The following MEST variants were observed in gnomAD, a reference collection of about 807,000 sequenced individuals.
The protein encoded by MEST is mesoderm-specific transcript homolog protein.
A neutral mutation model predicts 50.9 loss-of-function variants in MEST; 18 were observed. The ratio of observed to expected loss-of-function variants is 0.35; its 90% confidence interval spans 0.24 to 0.52. The LOEUF (loss-of-function observed/expected upper bound fraction) is 0.52. MEST is among the 20% of genes least tolerant of loss of function. The pLI is 0.94. For missense variants in MEST, 282 were observed against 425.3 expected, an observed-to-expected ratio of 0.66 and a Z score of 2.96; for synonymous variants, 130 against 154.1, an observed-to-expected ratio of 0.84 and a Z score of 1.16.
At position 130,500,972 on chromosome 7, in the gene MEST, T is replaced by G; in HGVS notation, c.749+82T>G. 1 of 1,206,078 alleles carries G rather than the reference T, an allele frequency of 8.3e-7. No homozygotes were observed. 74.7% of individuals were successfully genotyped at this position (1,206,078 alleles called of 1,614,324 possible). A position where few individuals can be genotyped will look rare whatever the true frequency, so the allele number is the denominator to read the frequency against. ...ATTGCTTGTTCTGTTCCTTGCTGGC[T>G]TATTCCCTATCACAGGAAGGCTGAT... is the stretch of plus-strand genomic sequence containing the variant. On this transcript the variant is annotated intron_variant, in intron 9 of 11. Coordinates refer to ENST00000223215, the MANE Select transcript of MEST (RefSeq NM_002402.4). This position sits in a 1 kb window ranked among gnomAD's most constrained non-coding sequence, Gnocchi z 5.0.
intron 9 of MEST, among the ~76,000 whole-genome samples, chr7:130,501,768 G>A (rs1554438550): frequency 6.6e-6 from 1 of 152,130 alleles, no homozygotes; most frequent in Non-Finnish European, 1.5e-5. Context: ...CACTTTGGGA[G>A]GCCAAGGTGG....
Position 130,500,704 on chromosome 7 carries a change from G to T in MEST, c.648-85G>T. On this transcript the variant is annotated intron_variant, in intron 8 of 11. Transcript: ENST00000223215. This position sits in a 1 kb window ranked among gnomAD's most constrained non-coding sequence, Gnocchi z 5.0. The stretch of plus-strand genomic sequence containing the variant: ...CTTATGGGTCAGACTGCATGGCCCA[G>T]ACTGCATGGCCTCTGAGGTTCCAGC... 1 of 1,273,574 alleles carries T rather than the reference G, an allele frequency of 7.9e-7. No homozygotes were observed. The allele number at this position is 1,273,574 out of a possible 1,614,324, so 78.9% of individuals were successfully genotyped here. A position where few individuals can be genotyped will look rare whatever the true frequency, so the allele number is the denominator to read the frequency against.
chr7:130,488,351 C>T (rs978829284), upstream of MEST: 25 of 152,220 alleles, frequency 1.6e-4, no homozygotes, highest in African/African-American at 5.3e-4. Context: ...ACAATTTGCA[C>T]TCATTGGAGC....
At chr7:130,487,380 A>C (rs1473557917), upstream of MEST, 1 of 152,342 alleles carries the variant, frequency 6.6e-6, no homozygotes, top group African/African-American at 2.4e-5. Flanking sequence ...CCTGGTGAAG[A>C]AGTACCAGCT....
chr7:130,504,081 C>A, intron 11 of MEST, 85 bp downstream of exon 11: 1 of 1,096,814 alleles, frequency 9.1e-7, no homozygotes, highest in Non-Finnish European at 1.4e-6. Context: ...GGGCTATTGG[C>A]TCTAGCCATT....
rs782094919 is a variant in MEST, at chr7:130,497,152, C to G, written c.182-4C>G. 1 of 1,610,226 alleles carries G rather than the reference C, an allele frequency of 6.2e-7. No individual in the cohort carries two copies. The highest frequency in any genetic ancestry group is 8.5e-7 in the Non-Finnish European group (1 of 1,178,140). ...ATAATTGATTGTACTTTCCTTCTTCCTAGACTCTGTGGGTGTGGTTGGAAG... is the reference window on the plus strand; with the variant it reads ...ATAATTGATTGTACTTTCCTTCTTCGTAGACTCTGTGGGTGTGGTTGGAAG... On this transcript the variant is annotated splice_polypyrimidine_tract_variant and splice_region_variant and intron_variant, in intron 2 of 11. Coordinates refer to ENST00000223215, the MANE Select transcript of MEST (RefSeq NM_002402.4). The surrounding 1 kb of genome is among the most constrained non-coding windows in gnomAD (Gnocchi z 4.0).
chr7:130,498,366 G>A, intron 5 of MEST, 53 bp from the exon 6 acceptor site: 1 of 1,611,578 alleles, frequency 6.2e-7, no homozygotes, highest in Non-Finnish European at 8.5e-7. Flanking sequence ...TTTCAGCGGT[G>A]CACTGGTTTA....
At chr7:130,491,956 C>T (rs1237688178), upstream of MEST, 2 of 147,562 alleles carry the variant, frequency 1.4e-5, no homozygotes, top group Non-Finnish European at 1.4e-5. The surrounding 1 kb of genome is among the most constrained non-coding windows in gnomAD (Gnocchi z 6.8). Flanking sequence ...GTGGCCATGG[C>T]GGTGGTAGAG....
chr7:130,498,637 C>T (rs1285226182), intron 6 of MEST, 160 bp downstream of exon 6: 11 of 673,054 alleles, frequency 1.6e-5, no homozygotes, highest in East Asian at 2.7e-5. Flanking sequence ...GGTGGTCTGA[C>T]AAGATTTATG....
At chr7:130,502,175 T>G (rs1241593090) in intron 9 of MEST, among the ~76,000 whole-genome samples, 1 of 152,132 alleles carries the variant, frequency 6.6e-6, no homozygotes, top group Non-Finnish European at 1.5e-5. Context: ...GAGCTATGAT[T>G]GCACCTGTGA....
chr7:130,504,406 C>T (rs1799395983), intron 11 of MEST, among the ~76,000 whole-genome samples: 1 of 152,202 alleles, frequency 6.6e-6, no homozygotes, highest in African/African-American at 2.4e-5. Flanking sequence ...AGTGCCTTCT[C>T]ATTGGTTGCT....
At chr7:130,499,374 CTTAT>C (rs1554438003) in intron 6 of MEST, among the ~76,000 whole-genome samples, 1 of 152,168 alleles carries the variant, frequency 6.6e-6, no homozygotes, top group East Asian at 1.9e-4. Flanking sequence ...AGGACCTATA[CTTAT>C]TTAAAAACTT....
In MEST at chr7:130,500,617, T is replaced by C. The variant is rs1799240444; in HGVS notation, c.647+85T>C. 2 of 1,413,670 alleles carry C rather than the reference T, an allele frequency of 1.4e-6. No individual in the cohort carries two copies. Among genetic ancestry groups the C allele is most frequent in the East Asian group, 2.4e-5 (1 of 41,900 alleles). The allele number at this position is 1,413,670 out of a possible 1,614,324, so 87.6% of individuals were successfully genotyped here. A position where few individuals can be genotyped will look rare whatever the true frequency, so the allele number is the denominator to read the frequency against. Reference sequence around the variant, plus strand: ...ACAATTCTGGGCCAAATCCTAAGGCTTGATATTTTAAAGCAAAGGTGTTGG... The same window carrying C: ...ACAATTCTGGGCCAAATCCTAAGGCCTGATATTTTAAAGCAAAGGTGTTGG... On this transcript the variant is annotated intron_variant, in intron 8 of 11. Coordinates refer to ENST00000223215, the MANE Select transcript of MEST (RefSeq NM_002402.4). The surrounding 1 kb of genome is among the most constrained non-coding windows in gnomAD (Gnocchi z 5.0).
rs562989827 is a variant in MEST at position 130,495,224 on chromosome 7, C to T, written c.27-144C>T. Reference sequence around the variant, plus strand: ...GCAGACAGAGGTTTGATTATAGTCTCGGTCAGCTTTGTGCCTATGTGAAGG... The same window carrying T: ...GCAGACAGAGGTTTGATTATAGTCTTGGTCAGCTTTGTGCCTATGTGAAGG... On this transcript the variant is annotated intron_variant, in intron 1 of 11. Transcript: ENST00000223215. 5.8e-5 allele frequency: 41 copies of T among 712,384 alleles called. No individual in the cohort carries two copies. The Middle Eastern group carries it at 7.5e-4, about 13-fold the overall frequency. The allele number at this position is 712,384 out of a possible 1,614,324, so 44.1% of individuals were successfully genotyped here.
At chr7:130,494,155 G>C (rs1364595219) in intron 1 of MEST, among the ~76,000 whole-genome samples, 1 of 152,150 alleles carries the variant, frequency 6.6e-6, no homozygotes, top group African/African-American at 2.4e-5. Context: ...AAGTATCAGG[G>C]ATATGGGGGG....
chr7:130,489,273 G>C (rs1468664518), upstream of MEST: 2 of 152,238 alleles, frequency 1.3e-5, no homozygotes, highest in Non-Finnish European at 2.9e-5. Context: ...ACAAGAATGT[G>C]TGATAAGCCA....
intron 5 of MEST, 37 bp downstream of exon 5, chr7:130,498,312 G>A: frequency 6.2e-7 from 1 of 1,612,606 alleles, no homozygotes; most frequent in Non-Finnish European, 8.5e-7. Context: ...ATGATGCTAG[G>A]AAAGTACATT....
At chr7:130,498,097 C>T (rs1390855471) in intron 4 of MEST, 42 bp from the exon 5 acceptor site, 1 of 1,613,952 alleles carries the variant, frequency 6.2e-7, no homozygotes, top group African/African-American at 1.3e-5. Context: ...GAGAGCTGTC[C>T]TCATGACTTC....
At chr7:130,488,610 CTG>C (rs1255882970), upstream of MEST, 1 of 152,218 alleles carries the variant, frequency 6.6e-6, no homozygotes, top group Admixed American at 6.5e-5. Context: ...TCTCTGAAAT[CTG>C]TGAGTGAAAA....
Sources: gnomAD v4.1 joint callset for allele counts (sites outside exome capture counted in the v4.1 genomes callset) on GRCh38, gnomAD v4.1.1 for gene constraint, Gnocchi (gnomAD v3.1) non-coding constraint, MANE v1.5 for transcripts, NCBI Gene and HGNC (gene_info 2026-07-23, HGNC 2026-07-21) for gene names.